The following RAB27B variants were observed in gnomAD, a reference collection of about 807,000 sequenced individuals.
RAB27B encodes RAB27B, member RAS oncogene family.
A neutral mutation model predicts 24.6 loss-of-function variants in RAB27B; 15 were observed. The observed-to-expected ratio is 0.61, with a 90% CI of 0.41 to 0.94. RAB27B has a LOEUF of 0.94. Ranked by LOEUF, RAB27B falls within the 40% of genes least tolerant of loss-of-function variation. The pLI, the probability that RAB27B is intolerant of heterozygous loss-of-function variation, is 0.00. For missense variants in RAB27B, 261 were observed against 266.8 expected (o/e 0.98, Z 0.15); for synonymous variants, 105 against 92.5 (o/e 1.14, Z -0.78).
intron 2 of RAB27B, among the ~76,000 whole-genome samples, chr18:54,752,987 G>C (rs1907885415): frequency 6.6e-6 from 1 of 152,168 alleles, no homozygotes; most frequent in African/African-American, 2.4e-5. Flanking sequence ...GACACCCCAA[G>C]GTCTAGCTTG....
chr18:54,883,990 C>G (rs891155697), intron 3 of RAB27B, among the ~76,000 whole-genome samples: 1 of 152,130 alleles, frequency 6.6e-6, no homozygotes, highest in Non-Finnish European at 1.5e-5. Flanking sequence ...TTAAAGTCCC[C>G]ACTCTAAAGT....
At chr18:54,778,178 C>A (rs1481849111) in intron 2 of RAB27B, among the ~76,000 whole-genome samples, 1 of 152,200 alleles carries the variant, frequency 6.6e-6, no homozygotes, top group Admixed American at 6.5e-5. Flanking sequence ...ATCGCCATTT[C>A]TTTCTCTAAG....
chr18:54,818,203 A>G (rs932337341), intron 2 of RAB27B, among the ~76,000 whole-genome samples: 22 of 152,200 alleles, frequency 1.4e-4, no homozygotes, highest in Non-Finnish European at 1.6e-4. Context: ...ATGTATTTGT[A>G]ATGGTATTGC....
At chr18:54,843,208 C>G (rs1322978459) in intron 1 of RAB27B, among the ~76,000 whole-genome samples, 1 of 152,100 alleles carries the variant, frequency 6.6e-6, no homozygotes, top group South Asian at 2.1e-4. Context: ...AGGAACATAA[C>G]CTGCATGGAA....
intron 4 of RAB27B, among the ~76,000 whole-genome samples, chr18:54,885,616 T>C (rs147885522): frequency 6.6e-6 from 1 of 151,868 alleles, no homozygotes; most frequent in East Asian, 1.9e-4. Flanking sequence ...CCATCTAAAA[T>C]AGTACTCATC....
In RAB27B at chr18:54,747,179, A is replaced by G. The variant is rs111484096; in HGVS notation, c.-20+29038A>G. 7.7e-3 allele frequency among the ~76,000 whole-genome samples: 1,168 copies of G among 152,254 alleles called. 18 individuals are homozygous for G. Among genetic ancestry groups the G allele is most frequent in the Non-Finnish European group, 0.012 (845 of 68,034 alleles). Reference sequence around the variant, plus strand: ...TCCTCCCCACAATCTCCAATCCTATATAGCCTCAAGTTTCTCCTCAACTGC... The same window carrying G: ...TCCTCCCCACAATCTCCAATCCTATGTAGCCTCAAGTTTCTCCTCAACTGC... On this transcript the variant is annotated intron_variant, in intron 2 of 4. Coordinates refer to the RAB27B transcript ENST00000586570.
chr18:54,738,661 G>T (rs888678576), intron 2 of RAB27B, among the ~76,000 whole-genome samples: 8 of 152,230 alleles, frequency 5.3e-5, no homozygotes, highest in African/African-American at 1.9e-4. Context: ...TCATATCCCA[G>T]ACATTGCAAT....
chr18:54,836,567 A>G (rs1910902076), intron 1 of RAB27B, among the ~76,000 whole-genome samples: 1 of 152,058 alleles, frequency 6.6e-6, no homozygotes, highest in South Asian at 2.1e-4. Flanking sequence ...AACTAACTCA[A>G]AATAGAAAAG....
rs3764511 is a variant in RAB27B at position 54,879,443 on chromosome 18, G to A, written c.228G>A (p.Ala76=). 1.6e-5 allele frequency: 25 copies of A among 1,611,292 alleles called. No homozygotes were observed. Among genetic ancestry groups the A allele is most frequent in the Middle Eastern group, 1.7e-4 (1 of 6,056 alleles). ...TGCATCTTCAGCTTTGGGACACTGCGGGACAAGAGCGGTAATAGTAAATTG... is the reference window on the plus strand; with the variant it reads ...TGCATCTTCAGCTTTGGGACACTGCAGGACAAGAGCGGTAATAGTAAATTG... ...FKVHLQLWDT[A]GQERFRSLTT... The change falls in exon 3 of 6, where the codon GCG becomes GCA. Residue 76 remains alanine (A), a synonymous_variant. Coordinates refer to ENST00000262094, the MANE Select transcript of RAB27B (RefSeq NM_004163.4).
chr18:54,858,385 T>G (rs12961539), intron 1 of RAB27B, among the ~76,000 whole-genome samples: 8,324 of 38,916 alleles, frequency 0.21, 238 homozygotes, highest in Middle Eastern at 0.33. Flanking sequence ...CTGTTTTTTT[T>G]TTTTTTTTTT....
intron 2 of RAB27B, among the ~76,000 whole-genome samples, chr18:54,814,044 C>G (rs1910048087): frequency 6.6e-6 from 1 of 152,196 alleles, no homozygotes; most frequent in South Asian, 2.1e-4. Flanking sequence ...TTGCTTAGTT[C>G]ATATGCATTG....
rs60468002 is a variant in RAB27B, at chr18:54,849,733, CAAAA to C, written c.-20+21035_-20+21038del. Among the ~76,000 whole-genome samples, 3 of 151,932 alleles carry C rather than the reference CAAAA, an allele frequency of 2.0e-5. No homozygotes were observed. The East Asian group carries it at 5.8e-4, about 29-fold the overall frequency. On this transcript the variant is annotated intron_variant, in intron 1 of 5. Coordinates refer to ENST00000262094, the MANE Select transcript of RAB27B (RefSeq NM_004163.4). ...CAGACTCTGTCTCAAAACAAACAAA[CAAAA>C]AGAAGGTAAATCACTAGGGGATATA...
intron 2 of RAB27B, among the ~76,000 whole-genome samples, chr18:54,878,513 G>A (rs1260264700): frequency 3.9e-5 from 6 of 152,178 alleles, no homozygotes; most frequent in Admixed American, 3.9e-4. Context: ...TGCCTGGGAA[G>A]TTGAATCACG....
chr18:54,832,791 CAGTG>C (rs1201505878), intron 1 of RAB27B, among the ~76,000 whole-genome samples: 1 of 151,994 alleles, frequency 6.6e-6, no homozygotes, highest in African/African-American at 2.4e-5. Flanking sequence ...CCAAGATAAA[CAGTG>C]AGATGAGGAC....
chr18:54,723,152 C>G (rs1426511111), intron 2 of RAB27B, among the ~76,000 whole-genome samples: 1 of 152,154 alleles, frequency 6.6e-6, no homozygotes, highest in East Asian at 1.9e-4. Context: ...TGTTCAGAAC[C>G]AGGAAAGAGC....
intron 2 of RAB27B, among the ~76,000 whole-genome samples, chr18:54,765,292 C>T (rs577098227): frequency 2.0e-5 from 3 of 152,124 alleles, no homozygotes; most frequent in South Asian, 4.1e-4. Flanking sequence ...GTGCCCAGCC[C>T]CTCTCTGATC....
chr18:54,813,686 C>A (rs1910036723), intron 2 of RAB27B, among the ~76,000 whole-genome samples: 1 of 152,160 alleles, frequency 6.6e-6, no homozygotes, highest in Non-Finnish European at 1.5e-5. Context: ...CCAAAATAAA[C>A]CTGTTTATAA....
chr18:54,768,710 A>C (rs12458142), intron 2 of RAB27B, among the ~76,000 whole-genome samples: 8,482 of 152,206 alleles, frequency 0.056, 303 homozygotes, highest in Admixed American at 0.085. Flanking sequence ...AGAAAACTTA[A>C]AATCATGGTG....
At chr18:54,744,691 A>G (rs906149053) in intron 2 of RAB27B, 1 of 152,406 alleles carries the variant, frequency 6.6e-6, no homozygotes, top group Non-Finnish European at 1.5e-5. Flanking sequence ...TTACCCAGAG[A>G]GGGTCCATAT....
Sources: allele counts gnomAD v4.1 joint callset (sites outside exome capture counted in the v4.1 genomes callset), GRCh38; gene constraint gnomAD v4.1.1; transcripts MANE v1.5; gene names NCBI Gene and HGNC (gene_info 2026-07-23, HGNC 2026-07-21).